Variants in PTPRT observed in about 807,000 individuals in gnomAD.
PTPRT encodes the protein protein tyrosine phosphatase receptor type T.
In PTPRT, 56 loss-of-function variants were observed where a neutral mutation model predicts 176.8. That is an observed-to-expected ratio of 0.32 (90% CI 0.26 to 0.40). The LOEUF is 0.40. Among genes scored for constraint, PTPRT ranks in the 10% least tolerant of loss-of-function variants. The probability of loss-of-function intolerance (pLI) is 1.00; values close to 1 mark genes in which losing one functional copy is unlikely to be tolerated. For synonymous variants in PTPRT, 783 were observed against 739.0 expected (o/e 1.06, Z -0.96); for missense variants, 1,540 against 1,908.2 (o/e 0.81, Z 3.60).
intron 8 of PTPRT, among the ~76,000 whole-genome samples, chr20:42,453,674 CT>C (rs576538683): frequency 7.3e-4 from 100 of 136,560 alleles, no homozygotes; most frequent in African/African-American, 6.2e-4. Flanking sequence ...TTTTTCTTTT[CT>C]TTTTTTTTTT....
At position 43,034,800 on chromosome 20, in the gene PTPRT, C is replaced by T. The variant is rs528357008; in HGVS notation, c.89-148868G>A. Among the ~76,000 whole-genome samples, 3 of 152,068 alleles carry T rather than the reference C, an allele frequency of 2.0e-5. No homozygotes were observed. In the East Asian group the frequency reaches 5.9e-4, roughly 30 times the overall value. ...CCTGTTGACCAAACCCAAGGAATTC[C>T]CCACTTCAGCACTCCGGAACCGGGT... On this transcript the variant is annotated intron_variant, in intron 1 of 30. Transcript: ENST00000373187.
At chr20:42,071,601 G>A (rs1482638265), downstream of PTPRT, among the ~76,000 whole-genome samples, 3 of 152,260 alleles carry the variant, frequency 2.0e-5, no homozygotes, top group East Asian at 5.8e-4. Context: ...GAGAGTTAAC[G>A]GGTGCATCAG....
chr20:42,624,682 T>C (rs1368442975), intron 7 of PTPRT, among the ~76,000 whole-genome samples: 2 of 152,074 alleles, frequency 1.3e-5, no homozygotes, highest in South Asian at 2.1e-4. Context: ...GAAATCCAGA[T>C]TTGAGGGGCC....
chr20:42,855,429 CTTTTTTT>C (rs555034551), intron 2 of PTPRT, among the ~76,000 whole-genome samples: 1 of 115,686 alleles, frequency 8.6e-6, no homozygotes, highest in African/African-American at 3.8e-5. Context: ...TATGTTCATG[CTTTTTTT>C]TTTTTTTTTT....
intron 5 of PTPRT, among the ~76,000 whole-genome samples, chr20:42,758,577 T>G (rs2076870864): frequency 6.6e-6 from 1 of 152,114 alleles, no homozygotes; most frequent in Non-Finnish European, 1.5e-5. Flanking sequence ...CTTCAAACTT[T>G]CTGTCTCAAA....
chr20:42,582,545 G>A (rs890635154), intron 7 of PTPRT, among the ~76,000 whole-genome samples: 34 of 152,172 alleles, frequency 2.2e-4, no homozygotes, highest in Non-Finnish European at 3.4e-4. Flanking sequence ...TATCCCTCAC[G>A]TGGGTTGAGC....
At chr20:42,936,248 A>G (rs1484925307) in intron 1 of PTPRT, among the ~76,000 whole-genome samples, 1 of 152,174 alleles carries the variant, frequency 6.6e-6, no homozygotes, top group East Asian at 1.9e-4. Flanking sequence ...ACCACATAGG[A>G]AAGGCTCCAG....
intron 7 of PTPRT, among the ~76,000 whole-genome samples, chr20:42,565,690 G>C (rs1025429927): frequency 6.6e-6 from 1 of 152,126 alleles, no homozygotes; most frequent in African/African-American, 2.4e-5. Flanking sequence ...CATCTCTATG[G>C]CTTCTCCTGC....
chr20:42,996,327 A>G (rs919481733), intron 1 of PTPRT, among the ~76,000 whole-genome samples: 1 of 152,218 alleles, frequency 6.6e-6, no homozygotes, highest in Non-Finnish European at 1.5e-5. Context: ...GCTCACTCCA[A>G]GCAGTTACAT....
chr20:42,735,739 T>C (rs2076530000), intron 6 of PTPRT, among the ~76,000 whole-genome samples: 1 of 151,876 alleles, frequency 6.6e-6, no homozygotes, highest in Non-Finnish European at 1.5e-5. Context: ...CCCAAGGACA[T>C]GGCTGGGAGC....
chr20:42,307,643 T>C (rs2057563215), intron 12 of PTPRT, among the ~76,000 whole-genome samples: 1 of 152,094 alleles, frequency 6.6e-6, no homozygotes, highest in Non-Finnish European at 1.5e-5. Flanking sequence ...GAAAGGGCAA[T>C]ATCATAACCA....
rs571443187 is a variant in PTPRT, at chr20:43,138,730, C to T, written c.88+50916G>A. On this transcript the variant is annotated intron_variant, in intron 1 of 30. Transcript: ENST00000373187. ...GTCTAAGTGGAGCCTCCCTCTTACC[C>T]TTCCCAGCCTAGCCTCACGCCCCAC... Among the ~76,000 whole-genome samples the T allele has an allele frequency of 1.3e-3, 197 of 152,318 alleles. 2 individuals carry two copies. The highest frequency in any genetic ancestry group is 4.6e-3 in the African/African-American group (190 of 41,570).
intron 13 of PTPRT, among the ~76,000 whole-genome samples, chr20:42,276,576 G>A (rs2057043496): frequency 9.1e-6 from 1 of 110,438 alleles, no homozygotes; most frequent in Non-Finnish European, 1.9e-5. Flanking sequence ...TTGAATACTT[G>A]GTAGAAAGGG....
chr20:42,087,914 T>C (rs1984172686), intron 27 of PTPRT, among the ~76,000 whole-genome samples: 1 of 145,542 alleles, frequency 6.9e-6, no homozygotes, highest in African/African-American at 2.5e-5. Flanking sequence ...GAAGAAGAGA[T>C]GGATATCTTG....
rs1568913226 is a variant in PTPRT, at chr20:42,086,745, A to ATATATATAT, written c.3847-893_3847-892insATATATATA. Among the ~76,000 whole-genome samples, 3 of 45,992 alleles carry ATATATATAT rather than the reference A, an allele frequency of 6.5e-5. 1 individual carries two copies. Among genetic ancestry groups the ATATATATAT allele is most frequent in the Non-Finnish European group, 1.4e-4 (3 of 20,992 alleles). 30.2% of individuals were successfully genotyped at this position (45,992 alleles called of 152,430 possible). On this transcript the variant is annotated intron_variant, in intron 27 of 30. Transcript: ENST00000373187. ...CCATCTCAAAAAAAAAAAAAAAAAA[A>ATATATATAT]AAAAAAAAATATATATATATATGGG...
chr20:42,953,067 C>G (rs1981357370), intron 1 of PTPRT, among the ~76,000 whole-genome samples: 1 of 152,224 alleles, frequency 6.6e-6, no homozygotes, highest in African/African-American at 2.4e-5. Flanking sequence ...CTCTTTTTAA[C>G]AACACTCTGT....
chr20:42,330,037 G>A (rs2057945598), intron 11 of PTPRT, among the ~76,000 whole-genome samples: 1 of 152,054 alleles, frequency 6.6e-6, no homozygotes, highest in Non-Finnish European at 1.5e-5. Flanking sequence ...TACCCAGCTG[G>A]GCATTGTTGA....
At chr20:43,116,885 A>C (rs1407540771) in intron 1 of PTPRT, among the ~76,000 whole-genome samples, 1 of 152,170 alleles carries the variant, frequency 6.6e-6, no homozygotes, top group African/African-American at 2.4e-5. Flanking sequence ...GCAACAAAAA[A>C]ACACTGGCAC....
intron 1 of PTPRT, among the ~76,000 whole-genome samples, chr20:42,950,014 CTG>C (rs1981137532): frequency 1.3e-5 from 2 of 152,194 alleles, no homozygotes; most frequent in Non-Finnish European, 2.9e-5. Context: ...TGAAAATGTT[CTG>C]TGAGTCCTAG....
Sources: allele counts gnomAD v4.1 joint callset (sites outside exome capture counted in the v4.1 genomes callset), GRCh38; gene constraint gnomAD v4.1.1; transcripts MANE v1.5; gene names NCBI Gene and HGNC (gene_info 2026-07-23, HGNC 2026-07-21).